KANSL3: variants seen among roughly 807,000 people sequenced by gnomAD.
The protein encoded by KANSL3 is NSL complex protein NSL3.
KANSL3 carries 16 observed loss-of-function variants against 89.2 expected under a neutral mutation model. That is an observed-to-expected ratio of 0.18 (90% CI 0.12 to 0.27). The LOEUF is 0.27. Among genes scored for constraint, KANSL3 ranks in the 10% least tolerant of loss-of-function variants. KANSL3 has a pLI of 1.00. For synonymous variants in KANSL3, 385 were observed against 419.7 expected (o/e 0.92, Z 1.01); for missense variants, 879 against 1,110.6 (o/e 0.79, Z 2.96).
downstream of KANSL3, among the ~76,000 whole-genome samples, chr2:96,589,129 G>A (rs994758466): frequency 6.6e-6 from 1 of 152,060 alleles, no homozygotes; most frequent in African/African-American, 2.4e-5. Context: ...TAAAAAAAGT[G>A]TTCAAGTAAC....
intron 20 of KANSL3, 197 bp downstream of exon 20, chr2:96,601,446 G>A: frequency 1.5e-6 from 2 of 1,364,254 alleles, no homozygotes; most frequent in Non-Finnish European, 1.9e-6. Context: ...ATCAAGGGAG[G>A]GATGTAGAAG....
At chr2:96,592,911 G>A (rs796186248), downstream of KANSL3, among the ~76,000 whole-genome samples, 3 of 152,180 alleles carry the variant, frequency 2.0e-5, no homozygotes, top group East Asian at 3.9e-4. Flanking sequence ...GCTGAGGCAG[G>A]AGAATTGCTT....
chr2:96,619,869 A>T (rs2070922921), intron 3 of KANSL3, 107 bp from the exon 4 acceptor site: 1 of 881,362 alleles, frequency 1.1e-6, no homozygotes, highest in African/African-American at 1.7e-5. Context: ...CTGCTAGGGA[A>T]CAGTAAAACG....
intron 3 of KANSL3, among the ~76,000 whole-genome samples, chr2:96,620,634 C>T (rs2071083895): frequency 6.6e-6 from 1 of 152,116 alleles, no homozygotes; most frequent in Non-Finnish European, 1.5e-5. Flanking sequence ...TAGTGACCTT[C>T]CTAAAGATAC....
intron 3 of KANSL3, among the ~76,000 whole-genome samples, chr2:96,626,306 A>G (rs911430304): frequency 6.8e-6 from 1 of 146,990 alleles, no homozygotes; most frequent in Non-Finnish European, 1.5e-5. Context: ...AGATTATAAA[A>G]TTCTTTGTCT....
intron 5 of KANSL3, among the ~76,000 whole-genome samples, chr2:96,615,334 A>G (rs957587101): frequency 2.0e-5 from 3 of 152,112 alleles, no homozygotes; most frequent in South Asian, 4.1e-4. Context: ...ACTGCCTTCA[A>G]GCTGTGGTGT....
intron 5 of KANSL3, among the ~76,000 whole-genome samples, chr2:96,614,887 T>C (rs1429744252): frequency 2.6e-5 from 4 of 151,394 alleles, no homozygotes; most frequent in Admixed American, 2.6e-4. Context: ...CACGTATACA[T>C]ATGTAACAAA....
chr2:96,609,032 G>T lies in KANSL3; in HGVS notation c.1416C>A (p.Leu472=). 1 of 1,563,562 alleles carries T rather than the reference G, an allele frequency of 6.4e-7. No individual in the cohort carries two copies. The change falls in exon 13 of 21, where the codon CTC becomes CTA. Residue 472 remains leucine (L), a synonymous_variant. Coordinates refer to ENST00000431828, the MANE Select transcript of KANSL3 (RefSeq NM_001115016.3). The stretch of plus-strand genomic sequence containing the variant: ...AGCCCATGTGACCCTCAGCACGAGT[G>T]AGCACTCCAGTCAGAAAGTCCACAA... ...DEIVDFLTGV[L]TRAEGHMGSE...
intron 1 of KANSL3, 30 bp downstream of exon 1, chr2:96,638,253 C>T (rs2074552835): frequency 6.6e-6 from 1 of 152,382 alleles, no homozygotes; most frequent in Admixed American, 6.5e-5. Context: ...CACGGCCCGC[C>T]ACTCCCCTCG....
chr2:96,627,867 G>GA (rs1558767672), intron 3 of KANSL3: 2 of 1,270,912 alleles, frequency 1.6e-6, no homozygotes, highest in Non-Finnish European at 2.1e-6. Flanking sequence ...ATCTGAAACT[G>GA]AAACTAATAA....
At chr2:96,600,886 A>G in intron 20 of KANSL3, 1 of 985,456 alleles carries the variant, frequency 1.0e-6, no homozygotes, top group Non-Finnish European at 1.2e-6. Flanking sequence ...CCAATGTCAA[A>G]GAAAGAGTAT....
At chr2:96,635,087 C>T (rs2106280292) in intron 2 of KANSL3, among the ~76,000 whole-genome samples, 1 of 152,312 alleles carries the variant, frequency 6.6e-6, no homozygotes, top group East Asian at 1.9e-4. Flanking sequence ...TCTGGCCCAT[C>T]TCAGTCCATT....
At chr2:96,608,841 C>T (rs745865736) in intron 13 of KANSL3, 23 bp downstream of exon 13, 51 of 1,534,990 alleles carry the variant, frequency 3.3e-5, no homozygotes, top group African/African-American at 2.3e-4. Flanking sequence ...CCAGCAAAAG[C>T]GCTCCCTCCC....
chr2:96,605,349 C>G lies in KANSL3; in HGVS notation c.1904G>C (p.Cys635Ser), dbSNP rs2067817423. The change falls in exon 15 of 21, where the codon TGT becomes TCT. Residue 635 changes from cysteine to serine, a missense_variant. Physicochemically the swap from Cys to Ser is moderately radical, Grantham distance 112. This residue lies in a region of KANSL3 where 317 missense variants were observed against 311.2 expected (regional missense o/e 1.02). Transcript: ENST00000431828. Reference sequence around the variant, plus strand: ...TGGAGCACTTCCTTGGGAAGGAGCACAAGGCCCTCCAGCTGTGTCCCCTTG... The same window carrying G: ...TGGAGCACTTCCTTGGGAAGGAGCAGAAGGCCCTCCAGCTGTGTCCCCTTG... ...ISQGDTAGGP[C>S]APSQGSAPEA... is the part of the protein sequence containing the mutation. 6.2e-7 allele frequency: 1 copy of G among 1,613,024 alleles called. No homozygotes were observed. The highest frequency in any genetic ancestry group is 2.2e-5 in the East Asian group (1 of 44,880).
chr2:96,618,796 C>T (rs565020866), intron 5 of KANSL3, among the ~76,000 whole-genome samples: 12 of 152,320 alleles, frequency 7.9e-5, no homozygotes, highest in African/African-American at 2.9e-4. Context: ...ACCACATTGA[C>T]GATAGCCTGA....
chr2:96,619,312 G>A (rs2070805514), intron 5 of KANSL3, 47 bp downstream of exon 5: 1 of 1,539,512 alleles, frequency 6.5e-7, no homozygotes, highest in East Asian at 2.3e-5. Context: ...ACCCACAGGG[G>A]AGGATGGCTA....
chr2:96,633,052 G>A (rs2073692986), intron 2 of KANSL3, among the ~76,000 whole-genome samples: 1 of 151,742 alleles, frequency 6.6e-6, no homozygotes, highest in South Asian at 2.1e-4. Flanking sequence ...AGGCCAAGGT[G>A]GGCAGAACAC....
chr2:96,602,723 T>C (rs912817181), intron 18 of KANSL3, 30 bp downstream of exon 18: 4 of 1,548,276 alleles, frequency 2.6e-6, no homozygotes, highest in Non-Finnish European at 3.5e-6. Context: ...TCCCTACACC[T>C]GCCCAGCCCA....
Position 96,631,487 on chromosome 2 carries a change from A to G in KANSL3, c.216-5T>C. The G allele has an allele frequency of 1.3e-6, 2 of 1,560,330 alleles. No individual in the cohort carries two copies. Among genetic ancestry groups the G allele is most frequent in the Non-Finnish European group, 1.7e-6 (2 of 1,151,382 alleles). ...TCTATTGGGACGTCTGATTCACTGT[A>G]AACAGGTGAGGAAATAGGACCGGGC... On this transcript the variant is annotated splice_polypyrimidine_tract_variant and splice_region_variant and intron_variant, in intron 2 of 20. Coordinates refer to ENST00000431828, the MANE Select transcript of KANSL3 (RefSeq NM_001115016.3).
Sources: gnomAD v4.1 joint callset for allele counts (sites outside exome capture counted in the v4.1 genomes callset) on GRCh38, gnomAD v4.1.1 for gene constraint, gnomAD v4.1.1 regional missense constraint, MANE v1.5 for transcripts, NCBI Gene and HGNC (gene_info 2026-07-23, HGNC 2026-07-21) for gene names.